RBFOX1: variants seen among roughly 807,000 people sequenced by gnomAD.
RBFOX1 encodes the protein RNA binding protein fox-1 homolog 1.
In RBFOX1, 8 loss-of-function variants were observed where a neutral mutation model predicts 57.7. That is an observed-to-expected ratio of 0.14 (90% CI 0.08 to 0.25). RBFOX1 has a LOEUF of 0.25. RBFOX1 is among the 10% of genes least tolerant of loss of function. The pLI is 1.00. For missense variants in RBFOX1, 611 were observed against 548.5 expected, an observed-to-expected ratio of 1.11 and a Z score of -1.14; for synonymous variants, 326 against 222.4, an observed-to-expected ratio of 1.47 and a Z score of -4.15.
intron 4 of RBFOX1, among the ~76,000 whole-genome samples, chr16:7,494,348 G>A: frequency 6.6e-6 from 1 of 152,204 alleles, no homozygotes; most frequent in Middle Eastern, 3.4e-3. Context: ...TCCTACCATT[G>A]GCGGCTAGTG....
intron 4 of RBFOX1, among the ~76,000 whole-genome samples, chr16:7,227,289 C>CG (rs2093192461): frequency 1.9e-5 from 2 of 102,800 alleles, no homozygotes; most frequent in South Asian, 4.6e-4. Flanking sequence ...CACCCCACCC[C>CG]ACCCCCACAC....
chr16:6,922,711 A>G (rs1419368858), intron 3 of RBFOX1, among the ~76,000 whole-genome samples: 1 of 152,178 alleles, frequency 6.6e-6, no homozygotes, highest in African/African-American at 2.4e-5. Context: ...CCACCACTCC[A>G]AAAACTGGAA....
intron 3 of RBFOX1, among the ~76,000 whole-genome samples, chr16:5,844,766 C>T (rs2056710118): frequency 6.6e-6 from 1 of 152,172 alleles, no homozygotes. Context: ...TCCAAGGGCA[C>T]ATTGCGACTT....
At chr16:7,224,214 C>T (rs898304654) in intron 4 of RBFOX1, among the ~76,000 whole-genome samples, 6 of 146,356 alleles carry the variant, frequency 4.1e-5, no homozygotes, top group African/African-American at 1.5e-4. Flanking sequence ...GGGAAGAGTT[C>T]CATGATGCTG....
At chr16:6,841,711 T>G (rs191453815) in intron 3 of RBFOX1, among the ~76,000 whole-genome samples, 1 of 152,098 alleles carries the variant, frequency 6.6e-6, no homozygotes, top group African/African-American at 2.4e-5. Context: ...TCAGGGCACA[T>G]GAACCCTCTA....
At chr16:7,278,358 C>T (rs2095480068) in intron 4 of RBFOX1, among the ~76,000 whole-genome samples, 1 of 152,002 alleles carries the variant, frequency 6.6e-6, no homozygotes, top group Non-Finnish European at 1.5e-5. Flanking sequence ...TTAAATTTAC[C>T]CAAGATCAAA....
intron 5 of RBFOX1, among the ~76,000 whole-genome samples, chr16:7,566,040 GAT>G (rs1195829911): frequency 1.3e-5 from 2 of 152,166 alleles, no homozygotes; most frequent in Admixed American, 6.5e-5. Flanking sequence ...AGGGGCTTTT[GAT>G]ATAGTGCATC....
chr16:7,708,007 A>G (rs879570593), intron 14 of RBFOX1, among the ~76,000 whole-genome samples: 1 of 152,192 alleles, frequency 6.6e-6, no homozygotes, highest in Admixed American at 6.5e-5. Context: ...AAGTATGGGC[A>G]CAGGATACGG....
At chr16:6,803,177 G>T (rs935470295) in intron 3 of RBFOX1, among the ~76,000 whole-genome samples, 6 of 151,986 alleles carry the variant, frequency 3.9e-5, no homozygotes, top group African/African-American at 1.5e-4. Context: ...GACATTTAAG[G>T]ACACCAAATG....
At chr16:5,417,539 C>G (rs760190826) in intron 1 of RBFOX1, among the ~76,000 whole-genome samples, 1 of 152,042 alleles carries the variant, frequency 6.6e-6, no homozygotes, top group Non-Finnish European at 1.5e-5. Context: ...GATGATCAAT[C>G]GTGGATTTCT....
chr16:7,534,085 T>C (rs2080867499), intron 5 of RBFOX1, among the ~76,000 whole-genome samples: 1 of 113,122 alleles, frequency 8.8e-6, no homozygotes, highest in East Asian at 2.0e-4. Context: ...ACGTTTTTTT[T>C]CTTTTTTTTT....
chr16:7,180,981 G>C (rs1222744506), intron 4 of RBFOX1, among the ~76,000 whole-genome samples: 1 of 152,190 alleles, frequency 6.6e-6, no homozygotes, highest in Non-Finnish European at 1.5e-5. Flanking sequence ...TAGAGAAAAA[G>C]CAGTCATAGG....
chr16:6,135,702 A>G (rs1049582629), intron 1 of RBFOX1, among the ~76,000 whole-genome samples: 1 of 152,100 alleles, frequency 6.6e-6, no homozygotes, highest in Admixed American at 6.6e-5. Flanking sequence ...AAGGAATAAA[A>G]AGTGGGAGTA....
chr16:7,470,984 C>G (rs1421927233), intron 4 of RBFOX1, among the ~76,000 whole-genome samples: 1 of 151,838 alleles, frequency 6.6e-6, no homozygotes, highest in East Asian at 1.9e-4. Flanking sequence ...TTTCCATGAT[C>G]CTACTGCCAA....
intron 3 of RBFOX1, among the ~76,000 whole-genome samples, chr16:6,851,133 C>A (rs1030095847): frequency 2.6e-5 from 4 of 152,164 alleles, no homozygotes; most frequent in African/African-American, 7.2e-5. Flanking sequence ...AAAAAAAGCC[C>A]ATTTCTAAAT....
At chr16:6,408,491 C>T (rs1176465748) in intron 2 of RBFOX1, among the ~76,000 whole-genome samples, 2 of 152,130 alleles carry the variant, frequency 1.3e-5, no homozygotes, top group Non-Finnish European at 1.5e-5. Context: ...TTTGACCTGC[C>T]TGGGTCCTTT....
chr16:6,358,626 C>T (rs542259551), intron 2 of RBFOX1, among the ~76,000 whole-genome samples: 2 of 152,258 alleles, frequency 1.3e-5, no homozygotes, highest in South Asian at 4.1e-4. Context: ...CTAATCCTCC[C>T]AACAGCAGGA....
At chr16:6,870,323 A>C (rs2060650305) in intron 3 of RBFOX1, among the ~76,000 whole-genome samples, 1 of 152,138 alleles carries the variant, frequency 6.6e-6, no homozygotes. Flanking sequence ...GAAATTCAGC[A>C]CTGCTAGGAA....
downstream of RBFOX1, among the ~76,000 whole-genome samples, chr16:5,600,867 T>A (rs1022614622): frequency 6.6e-6 from 1 of 152,164 alleles, no homozygotes; most frequent in African/African-American, 2.4e-5. Flanking sequence ...TCTGTTCTTT[T>A]AACATCCTCT....
Sources: gnomAD v4.1 joint callset for allele counts (sites outside exome capture counted in the v4.1 genomes callset) on GRCh38, gnomAD v4.1.1 for gene constraint, MANE v1.5 for transcripts, NCBI Gene and HGNC (gene_info 2026-07-23, HGNC 2026-07-21) for gene names.